The following MGAT4C variants were observed in gnomAD, a reference collection of about 807,000 sequenced individuals.
MGAT4C encodes the protein alpha-1,3-mannosyl-glycoprotein 4-beta-N-acetylglucosaminyltransferase C.
Under a neutral mutation model 40.1 loss-of-function variants are expected in MGAT4C, and 19 were observed. That is an observed-to-expected ratio of 0.47 (90% CI 0.33 to 0.70). The LOEUF is 0.70. Ranked by LOEUF, MGAT4C falls within the 30% of genes least tolerant of loss-of-function variation. The pLI is 0.02. For synonymous variants in MGAT4C, 181 were observed against 187.1 expected (o/e 0.97, Z 0.27); for missense variants, 491 against 563.2 (o/e 0.87, Z 1.30).
chr12:86,442,771 CAAA>C (rs34962466), intron 2 of MGAT4C, among the ~76,000 whole-genome samples: 5 of 137,842 alleles, frequency 3.6e-5, no homozygotes, highest in Admixed American at 7.2e-5. Context: ...AACTCTGTCT[CAAA>C]AAAAAAAAAA....
chr12:86,626,406 C>A (rs1407773805), intron 2 of MGAT4C, among the ~76,000 whole-genome samples: 1 of 152,098 alleles, frequency 6.6e-6, no homozygotes, highest in Non-Finnish European at 1.5e-5. Flanking sequence ...TAAAATTGAG[C>A]AAAGTACTTT....
chr12:86,013,803 T>C, intron 2 of MGAT4C: 1 of 897,382 alleles, frequency 1.1e-6, no homozygotes, highest in Non-Finnish European at 1.3e-6. Context: ...AACTCTTTTC[T>C]CTCCTACTCC....
chr12:86,664,546 T>C (rs1964055306), intron 2 of MGAT4C, among the ~76,000 whole-genome samples: 1 of 152,150 alleles, frequency 6.6e-6, no homozygotes, highest in Non-Finnish European at 1.5e-5. Flanking sequence ...TGTAGAAGCA[T>C]CATAAGTTAG....
At chr12:86,407,778 T>A (rs1351700433) in intron 3 of MGAT4C, among the ~76,000 whole-genome samples, 1 of 152,054 alleles carries the variant, frequency 6.6e-6, no homozygotes, top group Non-Finnish European at 1.5e-5. Flanking sequence ...AAGACAACGT[T>A]TTTTCAAGAA....
At chr12:86,763,549 T>C (rs1254820973) in intron 1 of MGAT4C, among the ~76,000 whole-genome samples, 2 of 152,224 alleles carry the variant, frequency 1.3e-5, no homozygotes, top group Non-Finnish European at 2.9e-5. Context: ...ATCACCAATG[T>C]CCATATCTAT....
intron 3 of MGAT4C, among the ~76,000 whole-genome samples, chr12:86,403,946 A>G (rs903061124): frequency 2.0e-5 from 3 of 152,230 alleles, no homozygotes. Flanking sequence ...AAAATTGTAT[A>G]TACTGGAAGA....
At position 85,980,443 on chromosome 12, in the gene MGAT4C, A is replaced by T. The variant is rs1231882231; in HGVS notation, c.296-13T>A. The stretch of plus-strand genomic sequence containing the variant: ...ATTGTAAGATACCCTGCAAAAAAGA[A>T]TTCAGAAGCAATACAAATGTGAACT... On this transcript the variant is annotated splice_polypyrimidine_tract_variant and intron_variant, in intron 4 of 4. Transcript: ENST00000611864. 6.4e-7 allele frequency: 1 copy of T among 1,556,442 alleles called. No individual in the cohort carries two copies. Among genetic ancestry groups the T allele is most frequent in the African/African-American group, 1.4e-5 (1 of 72,642 alleles).
chr12:86,231,278 A>C (rs1951312733), intron 1 of MGAT4C, among the ~76,000 whole-genome samples: 1 of 152,222 alleles, frequency 6.6e-6, no homozygotes, highest in African/African-American at 2.4e-5. Flanking sequence ...AAGCTAAAAG[A>C]GATAACTTAT....
intron 1 of MGAT4C, among the ~76,000 whole-genome samples, chr12:86,834,612 C>CCACACACACACA (rs148269576): frequency 3.8e-4 from 56 of 148,288 alleles, no homozygotes; most frequent in Admixed American, 6.8e-4. Context: ...CCCCCAACCA[C>CCACACACACACA]CACACACACA....
chr12:86,074,779 G>A (rs1207479751), intron 1 of MGAT4C, among the ~76,000 whole-genome samples: 1 of 151,176 alleles, frequency 6.6e-6, no homozygotes, highest in Non-Finnish European at 1.5e-5. Flanking sequence ...AGAATTGAAG[G>A]CCAAGGAAAA....
chr12:86,652,389 G>T (rs938487138), intron 2 of MGAT4C, among the ~76,000 whole-genome samples: 3 of 151,754 alleles, frequency 2.0e-5, no homozygotes, highest in Non-Finnish European at 4.4e-5. Context: ...GCTCATGAAC[G>T]ATTTTTAAAT....
intron 1 of MGAT4C, among the ~76,000 whole-genome samples, chr12:86,785,279 C>T (rs959788127): frequency 7.9e-5 from 12 of 151,850 alleles, no homozygotes; most frequent in Admixed American, 6.6e-5. Flanking sequence ...GCTCTGACAC[C>T]GAAATATCTA....
chr12:86,148,203 A>G lies in MGAT4C; in HGVS notation c.-56-98480T>C, dbSNP rs796755907. ...TAAAATTTGTGCTCCTTAGAGAGTGAAAGGAGAGAACCAGGAATCATTAAG... is the reference window on the plus strand; with the variant it reads ...TAAAATTTGTGCTCCTTAGAGAGTGGAAGGAGAGAACCAGGAATCATTAAG... On this transcript the variant is annotated intron_variant, in intron 1 of 4. Transcript: ENST00000611864. Among the ~76,000 whole-genome samples, 8 of 152,286 alleles carry G rather than the reference A, an allele frequency of 5.3e-5. 1 individual carries two copies. The highest frequency in any genetic ancestry group is 1.9e-4 in the African/African-American group (8 of 41,568).
intron 2 of MGAT4C, among the ~76,000 whole-genome samples, chr12:86,658,648 A>ACT (rs995086918): frequency 2.0e-5 from 3 of 151,872 alleles, no homozygotes; most frequent in Non-Finnish European, 4.4e-5. Context: ...AGCCTCACAA[A>ACT]CTCTCTCTTC....
rs55790744 is a variant in MGAT4C, at chr12:86,136,054, C to T, written c.-56-86331G>A. Among the ~76,000 whole-genome samples, 881 of 152,224 alleles carry T rather than the reference C, an allele frequency of 5.8e-3. 6 individuals are homozygous for T. Among genetic ancestry groups the T allele is most frequent in the Middle Eastern group, 0.017 (5 of 292 alleles). ...TATTATTACTGGAGAATTAGTTTTGCTTCATTTTCTCATAGATTAGTAATA... is the reference window on the plus strand; with the variant it reads ...TATTATTACTGGAGAATTAGTTTTGTTTCATTTTCTCATAGATTAGTAATA... On this transcript the variant is annotated intron_variant, in intron 1 of 4. Coordinates refer to ENST00000611864, the MANE Select transcript of MGAT4C (RefSeq NM_001351288.2).
At chr12:85,993,091 C>T (rs1300700581) in intron 2 of MGAT4C, among the ~76,000 whole-genome samples, 4 of 152,174 alleles carry the variant, frequency 2.6e-5, no homozygotes, top group South Asian at 2.1e-4. Context: ...GGTCCAGGTC[C>T]CCTTTTCAAA....
At position 86,214,674 on chromosome 12, in the gene MGAT4C, A is replaced by G. The variant is rs576496558; in HGVS notation, c.-57+41565T>C. ...CTCTTCCTATGAGCACACTAATTTC[A>G]TTCTTACTAATTTCACCATCATTGC... On this transcript the variant is annotated intron_variant, in intron 1 of 4. Transcript: ENST00000611864. Among the ~76,000 whole-genome samples the G allele has an allele frequency of 2.0e-5, 3 of 152,260 alleles. No individual in the cohort carries two copies. In the South Asian group the frequency reaches 6.2e-4, roughly 32 times the overall value.
intron 1 of MGAT4C, among the ~76,000 whole-genome samples, chr12:86,232,241 A>C (rs1480080179): frequency 6.6e-6 from 1 of 152,240 alleles, no homozygotes; most frequent in African/African-American, 2.4e-5. Flanking sequence ...TGTGTATGGA[A>C]AAATTTTAAA....
intron 2 of MGAT4C, among the ~76,000 whole-genome samples, chr12:86,545,936 T>TA (rs1959190651): frequency 1.3e-5 from 2 of 151,986 alleles, no homozygotes; most frequent in South Asian, 4.1e-4. Flanking sequence ...ACTGCTATTA[T>TA]AAAACATTTT....
Sources: allele counts gnomAD v4.1 joint callset (sites outside exome capture counted in the v4.1 genomes callset), GRCh38; gene constraint gnomAD v4.1.1; transcripts MANE v1.5; gene names NCBI Gene and HGNC (gene_info 2026-07-23, HGNC 2026-07-21).